Variants in SCHIP1 observed in about 807,000 individuals in gnomAD.
SCHIP1 encodes the protein schwannomin interacting protein 1, also known as schwannomin-interacting protein 1.
In SCHIP1, 8 loss-of-function variants were observed where a neutral mutation model predicts 29.7. The observed-to-expected ratio is 0.27, with a 90% confidence interval of 0.16 to 0.49. The LOEUF is 0.49. SCHIP1 is among the 20% of genes least tolerant of loss of function. SCHIP1 has a pLI of 0.99. For synonymous variants in SCHIP1, 76 were observed against 94.9 expected (o/e 0.80, Z 1.16); for missense variants, 193 against 294.6 (o/e 0.66, Z 2.52).
the SCHIP1 span, among the ~76,000 whole-genome samples, chr3:159,644,442 G>C: frequency 5.3e-5 from 8 of 152,028 alleles, no homozygotes; most frequent in South Asian, 2.1e-4. Flanking sequence ...TCTCGACCCT[G>C]TCCAGGTTAT....
the SCHIP1 span, among the ~76,000 whole-genome samples, chr3:159,640,053 T>C: frequency 1.1e-4 from 16 of 152,312 alleles, no homozygotes; most frequent in East Asian, 3.1e-3. Flanking sequence ...GGAGTTAATG[T>C]TTAGAATTTT....
chr3:159,842,741 G>A (rs966938491), intron 1 of SCHIP1, among the ~76,000 whole-genome samples: 1 of 151,328 alleles, frequency 6.6e-6, no homozygotes, highest in African/African-American at 2.4e-5. Context: ...CACTGTGTAG[G>A]GTTGCCAGAT....
At chr3:159,370,697 G>A in the SCHIP1 span, among the ~76,000 whole-genome samples, 1 of 152,170 alleles carries the variant, frequency 6.6e-6, no homozygotes, top group East Asian at 1.9e-4. Flanking sequence ...AGAAATGGAT[G>A]AATCCTCTCT....
the SCHIP1 span, among the ~76,000 whole-genome samples, chr3:159,407,907 T>TTGAG: frequency 1.3e-5 from 2 of 152,172 alleles, no homozygotes; most frequent in African/African-American, 4.8e-5. Flanking sequence ...AGTTTTGGCT[T>TTGAG]TGAGTGCCTA....
At chr3:159,720,236 G>T in the SCHIP1 span, among the ~76,000 whole-genome samples, 25 of 128,766 alleles carry the variant, frequency 1.9e-4, no homozygotes, top group Non-Finnish European at 3.1e-4. Flanking sequence ...CGTGGGGTGG[G>T]GGGAGGGGGG....
chr3:159,285,150 G>A, the SCHIP1 span, among the ~76,000 whole-genome samples: 6 of 152,022 alleles, frequency 3.9e-5, no homozygotes, highest in African/African-American at 1.2e-4. Context: ...TGTAGGGATC[G>A]TTTTTTAGTT....
At chr3:159,828,438 T>TACACATACACAC in the SCHIP1 span, among the ~76,000 whole-genome samples, 62 of 68,050 alleles carry the variant, frequency 9.1e-4, 7 homozygotes, top group African/African-American at 4.4e-3. Context: ...TACGTATATA[T>TACACATACACAC]ACGTATATAT....
chr3:159,295,306 G>A, the SCHIP1 span, among the ~76,000 whole-genome samples: 1 of 147,156 alleles, frequency 6.8e-6, no homozygotes, highest in Non-Finnish European at 1.5e-5. Flanking sequence ...GTGTGCGCCT[G>A]TAGTCCCAGC....
the SCHIP1 span, among the ~76,000 whole-genome samples, chr3:159,469,367 A>T: frequency 6.6e-6 from 1 of 152,216 alleles, no homozygotes; most frequent in African/African-American, 2.4e-5. Flanking sequence ...CTAGGGCTTC[A>T]TCCTAATTTA....
At chr3:159,356,404 T>TGCTC in the SCHIP1 span, among the ~76,000 whole-genome samples, 2 of 152,304 alleles carry the variant, frequency 1.3e-5, no homozygotes, top group South Asian at 2.1e-4. Flanking sequence ...TGATAGGTTG[T>TGCTC]GCTCGGGCTT....
At chr3:159,732,566 C>T in the SCHIP1 span, among the ~76,000 whole-genome samples, 1 of 152,170 alleles carries the variant, frequency 6.6e-6, no homozygotes, top group South Asian at 2.1e-4. Context: ...AACAAGGTTA[C>T]AAGGGAAATG....
chr3:159,447,077 C>A, the SCHIP1 span, among the ~76,000 whole-genome samples: 1 of 152,094 alleles, frequency 6.6e-6, no homozygotes, highest in Admixed American at 6.6e-5. Context: ...TATCAGTATG[C>A]ATTTGACAAT....
the SCHIP1 span, among the ~76,000 whole-genome samples, chr3:159,328,720 C>G: frequency 6.6e-6 from 1 of 152,112 alleles, no homozygotes; most frequent in Non-Finnish European, 1.5e-5. Flanking sequence ...GTTTGGGCAC[C>G]ACACCAGGGG....
At chr3:159,626,218 ATATATATATATC>A in the SCHIP1 span, among the ~76,000 whole-genome samples, 147 of 108,706 alleles carry the variant, frequency 1.4e-3, 5 homozygotes, top group African/African-American at 9.8e-3. Context: ...ATATATCTAG[ATATATATATATC>A]TAGATATATC....
the SCHIP1 span, among the ~76,000 whole-genome samples, chr3:159,671,515 C>G: frequency 3.0e-4 from 46 of 152,276 alleles, no homozygotes; most frequent in East Asian, 8.3e-3. Flanking sequence ...CCCAAGAGTG[C>G]ACTCAATAAA....
the SCHIP1 span, among the ~76,000 whole-genome samples, chr3:159,709,165 G>T: frequency 1.3e-5 from 2 of 152,076 alleles, no homozygotes; most frequent in African/African-American, 4.8e-5. Context: ...AACTTAAAAA[G>T]TATACAAATG....
At chr3:159,786,270 CT>C in the SCHIP1 span, among the ~76,000 whole-genome samples, 2 of 151,942 alleles carry the variant, frequency 1.3e-5, no homozygotes, top group Admixed American at 6.6e-5. Context: ...AAAAAGTCTG[CT>C]TTTTTTTCCA....
the SCHIP1 span, among the ~76,000 whole-genome samples, chr3:159,786,753 G>T: frequency 4.0e-5 from 6 of 151,834 alleles, no homozygotes; most frequent in Non-Finnish European, 7.4e-5. Flanking sequence ...ATTGTGGTCT[G>T]TGTGTAGTGG....
At chr3:159,717,772 T>C in the SCHIP1 span, among the ~76,000 whole-genome samples, 1 of 152,172 alleles carries the variant, frequency 6.6e-6, no homozygotes, top group East Asian at 1.9e-4. Context: ...CAGGACCAGA[T>C]GGATTCACAG....
Sources: allele counts gnomAD v4.1 joint callset (sites outside exome capture counted in the v4.1 genomes callset), GRCh38; gene constraint gnomAD v4.1.1; transcripts MANE v1.5; gene names NCBI Gene and HGNC (gene_info 2026-07-23, HGNC 2026-07-21).